Variants in TMEM132B observed in about 807,000 individuals in gnomAD.
The protein encoded by TMEM132B is transmembrane protein 132B.
A neutral mutation model predicts 90.8 loss-of-function variants in TMEM132B; 18 were observed. That is an observed-to-expected ratio of 0.20 (90% CI 0.14 to 0.29). The LOEUF is 0.29. TMEM132B is among the 10% of genes least tolerant of loss of function. The pLI is 1.00. For missense variants in TMEM132B, 1,096 were observed against 1,326.8 expected, an observed-to-expected ratio of 0.83 and a Z score of 2.70; for synonymous variants, 504 against 523.3, an observed-to-expected ratio of 0.96 and a Z score of 0.50.
At chr12:125,417,648 G>A (rs1043204249) in intron 3 of TMEM132B, among the ~76,000 whole-genome samples, 1 of 152,160 alleles carries the variant, frequency 6.6e-6, no homozygotes, top group Non-Finnish European at 1.5e-5. Context: ...CAGGAATGTA[G>A]GGTCAGGTGC....
At chr12:125,613,956 T>G (rs746286055) in intron 5 of TMEM132B, among the ~76,000 whole-genome samples, 4 of 152,138 alleles carry the variant, frequency 2.6e-5, no homozygotes, top group Admixed American at 1.3e-4. Flanking sequence ...ACATTCTTTT[T>G]GCTGTTATTG....
chr12:125,383,746 A>C (rs111877287), intron 2 of TMEM132B, among the ~76,000 whole-genome samples: 135 of 152,336 alleles, frequency 8.9e-4, no homozygotes, highest in African/African-American at 3.0e-3. Flanking sequence ...ATAAATAATA[A>C]ATATATACAA....
intron 4 of TMEM132B, among the ~76,000 whole-genome samples, chr12:125,561,360 G>A (rs185122007): frequency 0.011 from 1,617 of 151,830 alleles, 27 homozygotes; most frequent in African/African-American, 0.037. Context: ...ATCACACACC[G>A]GGGCCTGTCA....
intron 3 of TMEM132B, among the ~76,000 whole-genome samples, chr12:125,453,099 A>ACG (rs1881201926): frequency 6.6e-6 from 1 of 152,022 alleles, no homozygotes; most frequent in East Asian, 1.9e-4. Context: ...ACACACACAC[A>ACG]CACACACACA....
intron 4 of TMEM132B, among the ~76,000 whole-genome samples, chr12:125,554,407 A>G (rs1322547800): frequency 1.4e-5 from 2 of 147,292 alleles, no homozygotes; most frequent in African/African-American, 5.1e-5. Flanking sequence ...CCTGGGCGAC[A>G]AAGTGAGACT....
intron 1 of TMEM132B, among the ~76,000 whole-genome samples, chr12:125,287,321 A>G (rs1414839760): frequency 6.6e-6 from 1 of 152,114 alleles, no homozygotes; most frequent in Non-Finnish European, 1.5e-5. Flanking sequence ...TCATATCTGC[A>G]AAGTCCCTTT....
In TMEM132B at chr12:125,653,550, T is replaced by C; in HGVS notation, c.2107-15T>C. ...ATCTGATTATAACATAATGCTTTGGTTTCATTTTCCTCAGGAAGCAATAGT... is the reference window on the plus strand; with the variant it reads ...ATCTGATTATAACATAATGCTTTGGCTTCATTTTCCTCAGGAAGCAATAGT... On this transcript the variant is annotated splice_polypyrimidine_tract_variant and intron_variant, in intron 8 of 8. Coordinates refer to ENST00000682704, the MANE Select transcript of TMEM132B (RefSeq NM_001366854.1). 2 of 1,592,412 alleles carry C rather than the reference T, an allele frequency of 1.3e-6. No homozygotes were observed. The highest frequency in any genetic ancestry group is 1.7e-6 in the Non-Finnish European group (2 of 1,165,680).
chr12:125,575,460 T>TGA (rs1435643402), intron 4 of TMEM132B, among the ~76,000 whole-genome samples: 22 of 151,968 alleles, frequency 1.4e-4, no homozygotes, highest in African/African-American at 3.9e-4. Flanking sequence ...ATTCCAAACA[T>TGA]TAGACCCTTA....
chr12:125,425,822 TGG>T (rs1880302194), intron 3 of TMEM132B, among the ~76,000 whole-genome samples: 1 of 152,244 alleles, frequency 6.6e-6, no homozygotes, highest in Non-Finnish European at 1.5e-5. Flanking sequence ...ATTGCCTGGA[TGG>T]ACCACAGTTT....
intron 5 of TMEM132B, among the ~76,000 whole-genome samples, chr12:125,632,716 C>A (rs1335101386): frequency 1.3e-5 from 2 of 151,766 alleles, no homozygotes; most frequent in South Asian, 2.1e-4. Context: ...ATATGTCATG[C>A]CACTCTCTTC....
chr12:125,283,632 G>C (rs1018454164), intron 1 of TMEM132B, among the ~76,000 whole-genome samples: 2 of 152,206 alleles, frequency 1.3e-5, no homozygotes, highest in African/African-American at 4.8e-5. Context: ...CAGGGAAGGG[G>C]GCAAGGTAAG....
chr12:125,525,703 A>G (rs1883434552), intron 4 of TMEM132B, among the ~76,000 whole-genome samples: 1 of 152,208 alleles, frequency 6.6e-6, no homozygotes. Flanking sequence ...GGTGGTGGCC[A>G]GTGGTGTTCT....
At chr12:125,473,275 C>A (rs1881769786) in intron 3 of TMEM132B, among the ~76,000 whole-genome samples, 1 of 152,220 alleles carries the variant, frequency 6.6e-6, no homozygotes, top group Non-Finnish European at 1.5e-5. Flanking sequence ...TCTGCTCCAA[C>A]ACCACTTTTC....
At chr12:125,240,641 G>C (rs1198437236) in intron 1 of TMEM132B, among the ~76,000 whole-genome samples, 1 of 152,132 alleles carries the variant, frequency 6.6e-6, no homozygotes, top group African/African-American at 2.4e-5. Context: ...TCTTAGACAG[G>C]CATGCTCCTA....
intron 4 of TMEM132B, among the ~76,000 whole-genome samples, chr12:125,558,923 A>T (rs1884456424): frequency 6.6e-6 from 1 of 152,250 alleles, no homozygotes. Context: ...ATATATTAGT[A>T]GGTTAATTTG....
chr12:125,464,903 AG>A (rs1593159694), intron 3 of TMEM132B, among the ~76,000 whole-genome samples: 1 of 152,202 alleles, frequency 6.6e-6, no homozygotes, highest in African/African-American at 2.4e-5. Context: ...GCTGTGGAAA[AG>A]AATTGTGTTG....
At chr12:125,473,747 A>C (rs1420156878) in intron 3 of TMEM132B, among the ~76,000 whole-genome samples, 1 of 152,186 alleles carries the variant, frequency 6.6e-6, no homozygotes, top group Non-Finnish European at 1.5e-5. Flanking sequence ...AGGTCTTTCC[A>C]GCTCTCAAGG....
At chr12:125,203,440 C>T (rs1164323664) in intron 1 of TMEM132B, among the ~76,000 whole-genome samples, 1 of 152,182 alleles carries the variant, frequency 6.6e-6, no homozygotes, top group Non-Finnish European at 1.5e-5. Flanking sequence ...TGACACATCA[C>T]AAGCAACAGA....
chr12:125,504,243 G>C lies in TMEM132B; in HGVS notation c.1107-15196G>C, dbSNP rs190132305. On this transcript the variant is annotated intron_variant, in intron 3 of 8. Transcript: ENST00000682704. ...GAATTCTAATCTGATTGTTGACCCA[G>C]ATGGCCTTCAGAGTGTCAAACTACT... Among the ~76,000 whole-genome samples the C allele has an allele frequency of 2.3e-3, 340 of 149,352 alleles. 2 individuals carry two copies. The highest frequency in any genetic ancestry group is 7.9e-3 in the African/African-American group (328 of 41,516).
Sources: allele counts gnomAD v4.1 joint callset (sites outside exome capture counted in the v4.1 genomes callset), GRCh38; gene constraint gnomAD v4.1.1; transcripts MANE v1.5; gene names NCBI Gene and HGNC (gene_info 2026-07-23, HGNC 2026-07-21).